Variants in FAT1 observed in about 807,000 individuals in gnomAD.
FAT1 encodes protocadherin Fat 1.
In FAT1, 171 loss-of-function variants were observed where a neutral mutation model predicts 329.8. That is an observed-to-expected ratio of 0.52 (90% CI 0.46 to 0.59). FAT1 has a LOEUF of 0.59. Ranked by LOEUF, FAT1 falls within the 20% of genes least tolerant of loss-of-function variation. The probability of loss-of-function intolerance (pLI) is 0.00; values close to 1 mark genes in which losing one functional copy is unlikely to be tolerated. For missense variants in FAT1, 5,672 were observed against 5,774.4 expected (o/e 0.98, Z 0.57); for synonymous variants, 2,233 against 2,228.6 (o/e 1.00, Z -0.06).
At position 186,692,462 on chromosome 4, in the gene FAT1, G is replaced by A. The variant is rs968185398; in HGVS notation, c.3265+14101C>T. ...CGAGTAGCTGGGACTACAGGCGCCC[G>A]CCACCACGCCCGGCTAATTTTTTGT... On this transcript the variant is annotated intron_variant, in intron 2 of 26. Coordinates refer to ENST00000441802, the MANE Select transcript of FAT1 (RefSeq NM_005245.4). Among the ~76,000 whole-genome samples, 23 of 152,076 alleles carry A rather than the reference G, an allele frequency of 1.5e-4. No homozygotes were observed. In the South Asian group the frequency reaches 2.1e-3, roughly 14 times the overall value.
rs369015571 is a variant in FAT1 at position 186,588,823 on chromosome 4, A to G, written c.13536T>C (p.Cys4512=). ...GCGGGTAAGGGGCATGGGGTTCTCT[A>G]CAAGTACTATTCTCACCAGTGCCTT... ...QTKGTGENST[C]REPHAPYPPG... The change falls in exon 27 of 27, where the codon TGT becomes TGC. Residue 4512 remains cysteine (C), a synonymous_variant. Coordinates refer to ENST00000441802, the MANE Select transcript of FAT1 (RefSeq NM_005245.4). 16 of 1,613,848 alleles carry G rather than the reference A, an allele frequency of 9.9e-6. No individual in the cohort carries two copies. The African/African-American group carries it at 2.0e-4, about 20-fold the overall frequency.
rs1185839081 is a variant in FAT1, at chr4:186,601,395, G to A, written c.11514C>T (p.Ser3838=). The change falls in exon 21 of 27, where the codon AGC becomes AGT. Residue 3838 remains serine (S), a synonymous_variant. Transcript: ENST00000441802. ...TTTCCGTCAGACGGTATTTCACGTA[G>A]CTGTTTCCAGTCAGTGTCATAGATG... ...GSSSMTLTGN[S]YVKYRLTENE... is the part of the protein sequence containing the mutation. The A allele has an allele frequency of 6.2e-7, 1 of 1,613,068 alleles. No individual in the cohort carries two copies. Among genetic ancestry groups the A allele is most frequent in the Admixed American group, 1.7e-5 (1 of 60,014 alleles).
intron 2 of FAT1, among the ~76,000 whole-genome samples, chr4:186,703,558 A>C (rs910606549): frequency 2.0e-5 from 3 of 152,258 alleles, no homozygotes; most frequent in Non-Finnish European, 2.9e-5. Context: ...GACAAGAAGC[A>C]AACAGTTACG....
At chr4:186,721,670 G>C (rs141760302) in intron 1 of FAT1, among the ~76,000 whole-genome samples, 1 of 152,130 alleles carries the variant, frequency 6.6e-6, no homozygotes, top group African/African-American at 2.4e-5. Context: ...CCAAACTTGG[G>C]TGGAAAGCAA....
intron 2 of FAT1, among the ~76,000 whole-genome samples, chr4:186,674,635 C>T (rs766177966): frequency 8.6e-5 from 13 of 151,976 alleles, no homozygotes; most frequent in Non-Finnish European, 1.9e-4. Flanking sequence ...TCAAGAACTC[C>T]GTGTGACCAG....
rs1744764753 is a variant in FAT1 at position 186,708,478 on chromosome 4, C to G, written c.1350G>C (p.Leu450Phe). ...TSDRKASTKVLVKVLGANSNP... is the reference protein window; with the variant it reads ...TSDRKASTKVFVKVLGANSNP... ...TGCTATTTGCACCTAAGACTTTCAC[C>G]AAGACCTTGGTGGACGCTTTTCTGT... Residue 450 changes from leucine to phenylalanine, a missense_variant, in exon 2 of 27, where the codon TTG becomes TTC. Coordinates refer to ENST00000441802, the MANE Select transcript of FAT1 (RefSeq NM_005245.4). 6.2e-7 allele frequency: 1 copy of G among 1,613,976 alleles called. No individual in the cohort carries two copies.
rs373490272 is a variant in FAT1 at position 186,620,957 on chromosome 4, G to A, written c.5629C>T (p.Pro1877Ser). 6.2e-7 allele frequency: 1 copy of A among 1,613,660 alleles called. No individual in the cohort carries two copies. Among genetic ancestry groups the A allele is most frequent in the Admixed American group, 1.7e-5 (1 of 60,000 alleles). ...VHVIDINDCP[P>S]VFAKPLYEAS... ...TCATATAATGGCTTGGCAAACACAG[G>A]GGGGCAGTCATTAATGTCAATTACA... The change falls in exon 10 of 27, where the codon CCT (proline) becomes TCT (serine). Residue 1877 changes from proline (P) to serine (S), a missense_variant. This residue lies in a region of FAT1 where 3,966 missense variants were observed against 3,915.2 expected (regional missense o/e 1.01). Coordinates refer to ENST00000441802, the MANE Select transcript of FAT1 (RefSeq NM_005245.4).
chr4:186,597,124 C>T lies in FAT1; in HGVS notation c.12416G>A (p.Gly4139Glu), dbSNP rs2126395379. Residue 4139 changes from glycine (G) to glutamate (E), a missense_variant, in exon 25 of 27, where the codon GGG becomes GAG. Gly to Glu is a moderately conservative substitution (Grantham distance 98). Around this residue, in one of 2 missense-constraint regions of FAT1, gnomAD observed 1,706 missense variants for 1,859.1 expected, o/e 0.92. Transcript: ENST00000441802. ...GCCGTGCGTGTTCTCACAGAGGGCC[C>T]CGTGCAGGCAAGGGTTTCCAGAGCA... The part of the protein sequence containing the change: ...DECSGNPCLH[G>E]ALCENTHGSY... The T allele has an allele frequency of 6.2e-7, 1 of 1,613,706 alleles. No homozygotes were observed. Among genetic ancestry groups the T allele is most frequent in the Non-Finnish European group, 8.5e-7 (1 of 1,179,750 alleles).
intron 4 of FAT1, among the ~76,000 whole-genome samples, chr4:186,638,125 C>A (rs533443208): frequency 1.3e-5 from 2 of 152,116 alleles, no homozygotes; most frequent in East Asian, 1.9e-4. Flanking sequence ...TTTAAGACAG[C>A]CAAATCAATG....
At chr4:186,602,321 T>C (rs1187911737) in intron 20 of FAT1, among the ~76,000 whole-genome samples, 1 of 152,210 alleles carries the variant, frequency 6.6e-6, no homozygotes, top group Non-Finnish European at 1.5e-5. Flanking sequence ...CATTGATGTT[T>C]GAGATAGCAA....
In FAT1 at chr4:186,706,954, C is replaced by G. The variant is rs372384877; in HGVS notation, c.2874G>C (p.Gln958His). ...WLEAHDPDLG[Q>H]SGQVRYSLLD... ...GAAGGCTGTATCTCACCTGACCAGA[C>G]TGACCTAAATCAGGATCGTGGGCTT... is the stretch of plus-strand genomic sequence containing the variant. The change falls in exon 2 of 27, where the codon CAG becomes CAC. Residue 958 changes from glutamine to histidine, a missense_variant. By Grantham distance (24) the Gln-to-His change is conservative. Coordinates refer to ENST00000441802, the MANE Select transcript of FAT1 (RefSeq NM_005245.4). The G allele has an allele frequency of 9.7e-5, 157 of 1,613,906 alleles. No individual in the cohort carries two copies. The highest frequency in any genetic ancestry group is 1.2e-4 in the Non-Finnish European group (141 of 1,179,902).
Position 186,613,302 on chromosome 4 carries a change from T to C in FAT1, c.9270A>G (p.Gln3090=). 6.2e-7 allele frequency: 1 copy of C among 1,614,018 alleles called. No individual in the cohort carries two copies. The highest frequency in any genetic ancestry group is 8.5e-7 in the Non-Finnish European group (1 of 1,179,890). Residue 3090 remains glutamine (Q), a synonymous_variant, in exon 13 of 27, where the codon CAA becomes CAG. Coordinates refer to ENST00000441802, the MANE Select transcript of FAT1 (RefSeq NM_005245.4). ...CCCTGACGAGAAGATGATAAACAGC[T>C]TGCTCCTCACGATCAAGGGGGGTTG... is the stretch of plus-strand genomic sequence containing the variant. ...KTSTPLDREE[Q]AVYHLLVRAT...
intron 13 of FAT1, among the ~76,000 whole-genome samples, chr4:186,612,294 T>C (rs1223365986): frequency 6.6e-6 from 1 of 152,138 alleles, no homozygotes; most frequent in Non-Finnish European, 1.5e-5. Flanking sequence ...TAGGAGCCAA[T>C]AATACAGTAC....
rs1482947467 is a variant in FAT1 at position 186,620,137 on chromosome 4, T to C, written c.6449A>G (p.Tyr2150Cys). The change falls in exon 10 of 27, where the codon TAT becomes TGT. Residue 2150 changes from tyrosine (Y) to cysteine (C), a missense_variant. Physicochemically the swap from Tyr to Cys is radical, Grantham distance 194. This residue lies in a region of FAT1 where 3,966 missense variants were observed against 3,915.2 expected (regional missense o/e 1.01). Transcript: ENST00000441802. ...QFELDTLNKE[Y>C]LVTVVAKDGG... ...ATCTTTTGCAACCACTGTAACAAGA[T>C]ATTCTTTATTTAAGGTGTCAAGCTC... The C allele has an allele frequency of 9.9e-6, 16 of 1,613,894 alleles. No individual in the cohort carries two copies. The highest frequency in any genetic ancestry group is 1.3e-5 in the African/African-American group (1 of 74,924).
At chr4:186,609,573 C>A (rs528585785) in intron 15 of FAT1, among the ~76,000 whole-genome samples, 95 of 152,008 alleles carry the variant, frequency 6.2e-4, no homozygotes, top group Non-Finnish European at 1.8e-4. Context: ...CCCGCCACCA[C>A]GCCTGGCTAA....
intron 2 of FAT1, among the ~76,000 whole-genome samples, chr4:186,683,265 G>A (rs1452766567): frequency 1.3e-5 from 2 of 152,114 alleles, no homozygotes; most frequent in African/African-American, 4.8e-5. Context: ...GAAACTGTGC[G>A]TTCTTTTCTC....
intron 3 of FAT1, among the ~76,000 whole-genome samples, chr4:186,651,087 T>A (rs1160127616): frequency 6.7e-6 from 1 of 149,100 alleles, no homozygotes; most frequent in East Asian, 1.9e-4. Context: ...GATAAATTAT[T>A]TGATGCTTCA....
chr4:186,689,159 C>A (rs1175660153), intron 2 of FAT1, among the ~76,000 whole-genome samples: 1 of 152,178 alleles, frequency 6.6e-6, no homozygotes, highest in East Asian at 1.9e-4. Context: ...AATGATGGAC[C>A]TGGTCTAAAT....
chr4:186,659,281 C>T (rs1389014448), intron 3 of FAT1, among the ~76,000 whole-genome samples: 5 of 152,172 alleles, frequency 3.3e-5, no homozygotes, highest in East Asian at 1.9e-4. Flanking sequence ...CCTGATGACA[C>T]GTTTCTCAAA....
Sources: gnomAD v4.1 joint callset for allele counts (sites outside exome capture counted in the v4.1 genomes callset) on GRCh38, gnomAD v4.1.1 for gene constraint, gnomAD v4.1.1 regional missense constraint, MANE v1.5 for transcripts, NCBI Gene and HGNC (gene_info 2026-07-23, HGNC 2026-07-21) for gene names.